The following CEP170B variants were observed in gnomAD, a reference collection of about 807,000 sequenced individuals.
CEP170B encodes the protein centrosomal protein 170B.
In CEP170B, 55 loss-of-function variants were observed where a neutral mutation model predicts 120.6. That is an observed-to-expected ratio of 0.46 (90% confidence interval 0.37 to 0.57). The LOEUF is 0.57. Among genes scored for constraint, CEP170B ranks in the 20% least tolerant of loss-of-function variants. The pLI is 0.00. For synonymous variants in CEP170B, 1,033 were observed against 954.5 expected (o/e 1.08, Z -1.52); for missense variants, 2,212 against 2,253.3 (o/e 0.98, Z 0.37).
chr14:104,880,894 C>G (rs951600000), intron 6 of CEP170B, among the ~76,000 whole-genome samples: 10 of 151,418 alleles, frequency 6.6e-5, no homozygotes, highest in Non-Finnish European at 1.3e-4. Context: ...TCACCTCTTA[C>G]CCCACACACA....
rs1272138057 is a variant in CEP170B, at chr14:104,880,259, T to C, written c.334-28T>C. 4 of 1,567,732 alleles carry C rather than the reference T, an allele frequency of 2.6e-6. No homozygotes were observed. The East Asian group carries it at 9.5e-5, about 37-fold the overall frequency. ...GGGTTCCTCCTGAGGCTGGGCCCAG[T>C]ACCTCACCCCGCCTGGCCTGCCCAC... On this transcript the variant is annotated intron_variant, in intron 5 of 18. Coordinates refer to ENST00000414716, the MANE Select transcript of CEP170B (RefSeq NM_001112726.3).
At position 104,895,025 on chromosome 14, in the gene CEP170B, C is replaced by T. The variant is rs1244895484; in HGVS notation, c.*67C>T. On this transcript the variant is annotated 3_prime_UTR_variant, in exon 19 of 19. Transcript: ENST00000414716. ...CTCTGCCTTCCGTCCGCCGCACACC[C>T]GCCTGCCTGGCCGCAGGTGGTTCTC... is the stretch of plus-strand genomic sequence containing the variant. 1.2e-5 allele frequency: 17 copies of T among 1,446,594 alleles called. No homozygotes were observed. The highest frequency in any genetic ancestry group is 5.2e-5 in the Admixed American group (2 of 38,396). 89.6% of individuals were successfully genotyped at this position (1,446,594 alleles called of 1,614,324 possible).
At position 104,887,488 on chromosome 14, in the gene CEP170B, G is replaced by A. The variant is rs1273171960; in HGVS notation, c.3249G>A (p.Ala1083=). The change falls in exon 12 of 19, where the codon GCG becomes GCA. Residue 1083 remains alanine (A), a synonymous_variant. Transcript: ENST00000414716. ...GGCTAGGTTCTCGCCGGAAACCAGC[G>A]GCCCCACCGCCATCCCCAGCTGCCC... is the stretch of plus-strand genomic sequence containing the variant. The part of the protein sequence containing the change: ...AGRLGSRRKP[A]APPPSPAARE... The A allele has an allele frequency of 3.7e-6, 6 of 1,611,872 alleles. No homozygotes were observed. The East Asian group carries it at 6.7e-5, about 18-fold the overall frequency.
chr14:104,893,230 C>A, intron 14 of CEP170B, 95 bp downstream of exon 14: 1 of 1,350,098 alleles, frequency 7.4e-7, no homozygotes, highest in Non-Finnish European at 9.9e-7. Flanking sequence ...TCGGCTGAGG[C>A]CCTGCTGCAC....
intron 3 of CEP170B, 126 bp downstream of exon 3, chr14:104,876,471 A>G: frequency 1.4e-6 from 1 of 738,826 alleles, no homozygotes; most frequent in South Asian, 1.7e-5. Context: ...CCTCCCTCTC[A>G]GTTCTGCCTC....
Position 104,868,419 on chromosome 14 carries a change from C to T in CEP170B, c.-27-5C>T, listed in dbSNP as rs1035117904. ...GCCCCACTCTAACAATCCCCTCTTC[C>T]CCAGGGCCAGACGGGCCCAGCCAGC... On this transcript the variant is annotated splice_region_variant and splice_polypyrimidine_tract_variant and intron_variant, in intron 1 of 18. Transcript: ENST00000414716. The surrounding 1 kb of genome is among the most constrained non-coding windows in gnomAD (Gnocchi z 5.9). The T allele has an allele frequency of 1.3e-6, 2 of 1,541,804 alleles. No individual in the cohort carries two copies. The highest frequency in any genetic ancestry group is 1.8e-6 in the Non-Finnish European group (2 of 1,142,054).
chr14:104,865,965 C>G lies in CEP170B; in HGVS notation c.-28+452C>G, dbSNP rs958786151. ...GTCTCCCCGCTGTCCCTGCCTCTCC[C>G]GGCCTGTGCGCTCCTTCCACCGCCG... On this transcript the variant is annotated intron_variant, in intron 1 of 18. Coordinates refer to ENST00000414716, the MANE Select transcript of CEP170B (RefSeq NM_001112726.3). The surrounding 1 kb of genome is among the most constrained non-coding windows in gnomAD (Gnocchi z 6.7). 1.4e-4 allele frequency among the ~76,000 whole-genome samples: 21 copies of G among 152,184 alleles called. No homozygotes were observed. Among genetic ancestry groups the G allele is most frequent in the Admixed American group, 1.2e-3 (18 of 15,282 alleles).
intron 1 of CEP170B, among the ~76,000 whole-genome samples, chr14:104,866,621 CA>C (rs1410467059): frequency 2.6e-5 from 4 of 152,210 alleles, no homozygotes; most frequent in African/African-American, 9.6e-5. Context: ...GATTTTTCTA[CA>C]TCTTCCCACC....
intron 2 of CEP170B, among the ~76,000 whole-genome samples, chr14:104,872,820 C>T (rs988603491): frequency 3.9e-5 from 6 of 152,168 alleles, no homozygotes; most frequent in African/African-American, 7.2e-5. Flanking sequence ...AGGCTGTTGC[C>T]CCAGAGGGCG....
At chr14:104,893,230 C>T (rs761695931) in intron 14 of CEP170B, 95 bp downstream of exon 14, 11 of 1,350,104 alleles carry the variant, frequency 8.1e-6, no homozygotes, top group South Asian at 1.4e-5. Flanking sequence ...TCGGCTGAGG[C>T]CCTGCTGCAC....
At chr14:104,881,866 G>A (rs949531929) in intron 6 of CEP170B, among the ~76,000 whole-genome samples, 1 of 152,044 alleles carries the variant, frequency 6.6e-6, no homozygotes, top group Admixed American at 6.5e-5. Flanking sequence ...AGCGCAGTGT[G>A]CACATGGTTC....
rs750967971 is a variant in CEP170B, at chr14:104,887,100, C to T, written c.2861C>T (p.Ser954Leu). 29 of 1,611,212 alleles carry T rather than the reference C, an allele frequency of 1.8e-5. No individual in the cohort carries two copies. The highest frequency in any genetic ancestry group is 2.2e-5 in the South Asian group (2 of 91,068). ...RPPEDALSGD[S>L]DVDTASTVSL... ...CCGGAGGACGCCCTGTCTGGGGACT[C>T]GGACGTGGACACAGCCAGCACCGTC... Residue 954 changes from serine to leucine, a missense_variant, in exon 12 of 19, where the codon TCG (serine) becomes TTG (leucine). Transcript: ENST00000414716.
In CEP170B at chr14:104,887,427, C is replaced by T. The variant is rs747939314; in HGVS notation, c.3188C>T (p.Ser1063Phe). The change falls in exon 12 of 19, where the codon TCC (serine) becomes TTC (phenylalanine). Residue 1063 changes from serine (S) to phenylalanine (F), a missense_variant. By Grantham distance (155) the Ser-to-Phe change is radical. This residue lies in a region of CEP170B where 2,166 missense variants were observed against 2,166.7 expected (regional missense o/e 1.00). Transcript: ENST00000414716. ...AHLPSSDVMA[S>F]NHETPEATGA... is the part of the protein sequence containing the mutation. ...CTACCCAGCTCAGATGTGATGGCCTCCAACCACGAAACCCCTGAGGCCACC... is the reference window on the plus strand; with the variant it reads ...CTACCCAGCTCAGATGTGATGGCCTTCAACCACGAAACCCCTGAGGCCACC... The T allele has an allele frequency of 1.9e-6, 3 of 1,611,520 alleles. No homozygotes were observed. Among genetic ancestry groups the T allele is most frequent in the Non-Finnish European group, 1.7e-6 (2 of 1,179,382 alleles).
intron 15 of CEP170B, 41 bp from the exon 16 acceptor site, chr14:104,893,720 C>G (rs1437310342): frequency 1.9e-6 from 3 of 1,587,826 alleles, no homozygotes; most frequent in Non-Finnish European, 2.6e-6. Flanking sequence ...AGGGGCGGGG[C>G]TCCTCGAGGG....
intron 13 of CEP170B, among the ~76,000 whole-genome samples, chr14:104,890,484 G>T (rs1896774236): frequency 6.8e-6 from 1 of 147,028 alleles, no homozygotes; most frequent in Non-Finnish European, 1.5e-5. Flanking sequence ...ATGGATGAAT[G>T]AGTGGGTTGG....
In CEP170B at chr14:104,881,050, G is replaced by A. The variant is rs72700180; in HGVS notation, c.472+625G>A. Reference sequence around the variant, plus strand: ...CCAGTGGTGAGAGGCAGGTGATGGGGGGGTGAGGCTATGCTCCCTAGTATC... The same window carrying A: ...CCAGTGGTGAGAGGCAGGTGATGGGAGGGTGAGGCTATGCTCCCTAGTATC... On this transcript the variant is annotated intron_variant, in intron 6 of 18. Coordinates refer to ENST00000414716, the MANE Select transcript of CEP170B (RefSeq NM_001112726.3). Among the ~76,000 whole-genome samples, 1,335 of 152,304 alleles carry A rather than the reference G, an allele frequency of 8.8e-3. 13 individuals are homozygous for A. The highest frequency in any genetic ancestry group is 0.014 in the Non-Finnish European group (952 of 68,010).
chr14:104,887,309 G>T lies in CEP170B; in HGVS notation c.3070G>T (p.Glu1024Ter). 1 of 1,610,386 alleles carries T rather than the reference G, an allele frequency of 6.2e-7. No homozygotes were observed. ...TGGCCCGACGGACATGGGCCGTGGA[G>T]AGCCGGTACGGCGCTCAGCCATAAG... ...PLGPTDMGRG[E>*]PVRRSAIRRG... The change falls in exon 12 of 19, where the codon GAG becomes TAG. Residue 1024 changes from glutamate to a stop codon, truncating the protein, a stop_gained. Transcript: ENST00000414716. LOFTEE classifies it high-confidence loss of function.
At chr14:104,876,186 G>A (rs1364127129) in intron 2 of CEP170B, 70 bp from the exon 3 acceptor site, 4 of 1,402,956 alleles carry the variant, frequency 2.9e-6, no homozygotes, top group Non-Finnish European at 2.0e-6. Flanking sequence ...GATGGAGCAG[G>A]GGTGCCTCTG....
Position 104,891,014 on chromosome 14 carries a change from AGTGG to A in CEP170B, c.3878+1265_3878+1268del, listed in dbSNP as rs201929230. Among the ~76,000 whole-genome samples the A allele has an allele frequency of 2.4e-4, 7 of 28,904 alleles. No homozygotes were observed. Among genetic ancestry groups the A allele is most frequent in the Admixed American group, 7.4e-4 (2 of 2,714 alleles). The allele number at this position is 28,904 out of a possible 152,430, so 19.0% of individuals were successfully genotyped here. On this transcript the variant is annotated intron_variant, in intron 13 of 18. Transcript: ENST00000414716. This position sits in a 1 kb window ranked among gnomAD's most constrained non-coding sequence, Gnocchi z 4.3. ...GTGGGTGGGTGTGGATGGATGGATGAGTGGGTGGGTGGATGGATGGATGGATGGA... is the reference window on the plus strand; with the variant it reads ...GTGGGTGGGTGTGGATGGATGGATGAGTGGGTGGATGGATGGATGGATGGA...
Sources: allele counts gnomAD v4.1 joint callset (sites outside exome capture counted in the v4.1 genomes callset), GRCh38; gene constraint gnomAD v4.1.1; regional missense constraint gnomAD v4.1.1; non-coding constraint Gnocchi (gnomAD v3.1); transcripts MANE v1.5; gene names NCBI Gene and HGNC (gene_info 2026-07-23, HGNC 2026-07-21).